The following ADGRV1 variants were observed in gnomAD, a reference collection of about 807,000 sequenced individuals.
ADGRV1 encodes the protein G-protein coupled receptor 98.
ADGRV1 carries 359 observed loss-of-function variants against 596.2 expected under a neutral mutation model. The observed-to-expected ratio is 0.60, with a 90% CI of 0.55 to 0.66. The LOEUF (loss-of-function observed/expected upper bound fraction) is 0.66. ADGRV1 is among the 30% of genes least tolerant of loss of function. The pLI is 0.00. For missense variants in ADGRV1, 7,274 were observed against 7,575.6 expected, an observed-to-expected ratio of 0.96 and a Z score of 1.48; for synonymous variants, 2,681 against 2,679.2, an observed-to-expected ratio of 1.00 and a Z score of -0.02.
At position 90,643,949 on chromosome 5, in the gene ADGRV1, G is replaced by C. The variant is rs771215047; in HGVS notation, c.2700G>C (p.Met900Ile). 6.2e-7 allele frequency: 1 copy of C among 1,611,268 alleles called. No individual in the cohort carries two copies. Among genetic ancestry groups the C allele is most frequent in the South Asian group, 1.1e-5 (1 of 90,828 alleles). The change falls in exon 14 of 90, where the codon ATG becomes ATC. Residue 900 changes from methionine to isoleucine, a missense_variant. This residue lies in a region of ADGRV1 where 1,715 missense variants were observed against 1,708.8 expected (regional missense o/e 1.00). Transcript: ENST00000405460. ...TTGTTTCTGATGGTCTAATTGTGAT[G>C]ATAAATGAAAGCAAAGGAGATGCTA... ...IEFVSDGLIVMINESKGDAIY... is the reference protein window; with the variant it reads ...IEFVSDGLIVIINESKGDAIY...
At chr5:91,091,639 G>A (rs1790391425) in intron 86 of ADGRV1, 2 of 152,238 alleles carry the variant, frequency 1.3e-5, no homozygotes, top group African/African-American at 4.8e-5. Flanking sequence ...ATCACCTGCA[G>A]ATTGGAGACT....
chr5:90,583,780 T>C (rs1462389272), intron 1 of ADGRV1, among the ~76,000 whole-genome samples: 1 of 152,228 alleles, frequency 6.6e-6, no homozygotes, highest in African/African-American at 2.4e-5. Context: ...TATTCATTAA[T>C]GTTGGAAATA....
chr5:91,085,608 A>G (rs1326569710), intron 86 of ADGRV1, among the ~76,000 whole-genome samples: 2 of 152,106 alleles, frequency 1.3e-5, no homozygotes, highest in African/African-American at 4.8e-5. Flanking sequence ...TTCATCTTAG[A>G]TGAGAAAGTA....
chr5:91,125,199 G>A (rs1020643300), intron 87 of ADGRV1, among the ~76,000 whole-genome samples: 4 of 152,188 alleles, frequency 2.6e-5, no homozygotes, highest in African/African-American at 9.7e-5. Context: ...CCCCTGAATG[G>A]ATGAGAGTGG....
At chr5:90,653,188 T>G in intron 19 of ADGRV1, 21 bp from the exon 20 acceptor site, 1 of 1,565,030 alleles carries the variant, frequency 6.4e-7, no homozygotes, top group South Asian at 1.2e-5. Flanking sequence ...AGTTTCTCAC[T>G]CATAAATTTT....
intron 78 of ADGRV1, among the ~76,000 whole-genome samples, chr5:90,843,880 A>G (rs2150369250): frequency 6.6e-6 from 1 of 152,318 alleles, no homozygotes; most frequent in African/African-American, 2.4e-5. Context: ...TGCAAGAAAT[A>G]CATATTTTAT....
chr5:90,822,416 C>T (rs1014683809), intron 75 of ADGRV1, among the ~76,000 whole-genome samples: 3 of 152,164 alleles, frequency 2.0e-5, no homozygotes, highest in South Asian at 2.1e-4. Flanking sequence ...GGAGCTGTTC[C>T]TATTCGGCCA....
chr5:90,704,340 T>C (rs1206648323), intron 35 of ADGRV1, 49 bp from the exon 36 acceptor site: 1 of 1,105,206 alleles, frequency 9.0e-7, no homozygotes. Context: ...CAGGAGATAG[T>C]TCATATTCAA....
In ADGRV1 at chr5:91,097,634, C is replaced by T. The variant is rs370615247; in HGVS notation, c.18311-4585C>T. Among the ~76,000 whole-genome samples, 92 of 152,226 alleles carry T rather than the reference C, an allele frequency of 6.0e-4. 1 individual carries two copies. The South Asian group carries it at 1.0e-2, about 16-fold the overall frequency. On this transcript the variant is annotated intron_variant, in intron 86 of 89. Coordinates refer to ENST00000405460, the MANE Select transcript of ADGRV1 (RefSeq NM_032119.4). ...CGTATGGTAACTCTGTGTTTAACATCTTGAGGTTCTACCAAACTGTTTTCC... is the reference window on the plus strand; with the variant it reads ...CGTATGGTAACTCTGTGTTTAACATTTTGAGGTTCTACCAAACTGTTTTCC...
intron 86 of ADGRV1, among the ~76,000 whole-genome samples, chr5:91,096,303 A>AGAAAACAGATAATT (rs1369172360): frequency 2.0e-5 from 3 of 152,262 alleles, no homozygotes; most frequent in Non-Finnish European, 4.4e-5. Context: ...GCAATTACAA[A>AGAAAACAGATAATT]GAAAACAGAT....
chr5:90,856,916 T>G (rs1202555708), intron 82 of ADGRV1, among the ~76,000 whole-genome samples: 1 of 152,220 alleles, frequency 6.6e-6, no homozygotes, highest in East Asian at 1.9e-4. Flanking sequence ...AATGCATATC[T>G]CTTGTATTTG....
At position 90,694,035 on chromosome 5, in the gene ADGRV1, A is replaced by G. The variant is rs754559913; in HGVS notation, c.7279A>G (p.Met2427Val). ...GVPDPLWRTW[M>V]NVSAVGEPLY... ...GCCTGACCCACTTTGGAGAACTTGGATGAATGTCTCTGCCGTGGGGGAGCC... is the reference window on the plus strand; with the variant it reads ...GCCTGACCCACTTTGGAGAACTTGGGTGAATGTCTCTGCCGTGGGGGAGCC... The change falls in exon 33 of 90, where the codon ATG becomes GTG. Residue 2427 changes from methionine (M) to valine (V), a missense_variant. Physicochemically the swap from Met to Val is conservative, Grantham distance 21 (BLOSUM62 1). This residue lies in a region of ADGRV1 where 3,643 missense variants were observed against 3,809.2 expected (regional missense o/e 0.96). Coordinates refer to ENST00000405460, the MANE Select transcript of ADGRV1 (RefSeq NM_032119.4). The G allele has an allele frequency of 4.3e-6, 7 of 1,613,666 alleles. No individual in the cohort carries two copies. In the South Asian group the frequency reaches 4.4e-5, roughly 10 times the overall value.
At chr5:90,699,925 A>G (rs546687411) in intron 34 of ADGRV1, among the ~76,000 whole-genome samples, 67 of 152,318 alleles carry the variant, frequency 4.4e-4, no homozygotes, top group South Asian at 2.9e-3. Flanking sequence ...ATATCAATCT[A>G]AAACACCAAA....
At chr5:90,754,955 A>G (rs1158272583) in intron 54 of ADGRV1, 28 bp from the exon 55 acceptor site, 1 of 1,514,884 alleles carries the variant, frequency 6.6e-7, no homozygotes, top group Middle Eastern at 1.7e-4. Flanking sequence ...AGAAAAGACT[A>G]TTTACTCGTG....
chr5:91,150,011 T>TTC lies in ADGRV1; in HGVS notation c.18433-18_18433-17insCT. 1.1e-6 allele frequency: 1 copy of TTC among 907,370 alleles called. No individual in the cohort carries two copies. Among genetic ancestry groups the TTC allele is most frequent in the East Asian group, 4.7e-5 (1 of 21,058 alleles). 56.2% of individuals were successfully genotyped at this position (907,370 alleles called of 1,614,324 possible). A position where few individuals can be genotyped will look rare whatever the true frequency, so the allele number is the denominator to read the frequency against. ...TCTTTTTCTTTTTCTTTTCTTTTCT[T>TTC]TTTTTTTTTTTTTTGCAGGGACTTT... On this transcript the variant is annotated intron_variant, in intron 87 of 89. Transcript: ENST00000405460.
At position 90,753,819 on chromosome 5, in the gene ADGRV1, A is replaced by G. The variant is rs1416439244; in HGVS notation, c.11367A>G (p.Ala3789=). The part of the protein sequence containing the change: ...WRAASVFIRV[A]EPKENTTTLQ... Reference sequence around the variant, plus strand: ...CTGCGTCTGTCTTCATTAGAGTAGCAGAGCCTAAAGGTAAATATTGTTAAA... The same window carrying G: ...CTGCGTCTGTCTTCATTAGAGTAGCGGAGCCTAAAGGTAAATATTGTTAAA... Residue 3789 remains alanine (A), a synonymous_variant, in exon 54 of 90, where the codon GCA becomes GCG. Coordinates refer to ENST00000405460, the MANE Select transcript of ADGRV1 (RefSeq NM_032119.4). 1.2e-6 allele frequency: 2 copies of G among 1,604,326 alleles called. No homozygotes were observed. The highest frequency in any genetic ancestry group is 1.7e-6 in the Non-Finnish European group (2 of 1,174,564).
chr5:90,923,100 C>G (rs1281308214), intron 83 of ADGRV1, among the ~76,000 whole-genome samples: 1 of 152,180 alleles, frequency 6.6e-6, no homozygotes, highest in Non-Finnish European at 1.5e-5. Flanking sequence ...GAAATAGAAG[C>G]ATTTTTGCAC....
intron 83 of ADGRV1, among the ~76,000 whole-genome samples, chr5:90,878,099 A>G (rs1226164653): frequency 1.3e-5 from 2 of 152,202 alleles, no homozygotes; most frequent in Non-Finnish European, 2.9e-5. Context: ...ACTCTTTTCT[A>G]GGTTATTAAT....
At chr5:90,991,116 A>G (rs1405182503) in intron 85 of ADGRV1, among the ~76,000 whole-genome samples, 4 of 144,856 alleles carry the variant, frequency 2.8e-5, no homozygotes, top group Non-Finnish European at 6.4e-5. Context: ...CATGCCATAC[A>G]GAGGTGAGAG....
Sources: gnomAD v4.1 joint callset for allele counts (sites outside exome capture counted in the v4.1 genomes callset) on GRCh38, gnomAD v4.1.1 for gene constraint, gnomAD v4.1.1 regional missense constraint, MANE v1.5 for transcripts, NCBI Gene and HGNC (gene_info 2026-07-23, HGNC 2026-07-21) for gene names.